GPR158: variants seen among roughly 807,000 people sequenced by gnomAD.
GPR158 encodes G protein-coupled receptor 158, also known as metabotropic glycine receptor.
Under a neutral mutation model 78.2 loss-of-function variants are expected in GPR158, and 30 were observed. The ratio of observed to expected loss-of-function variants is 0.38; its 90% CI spans 0.29 to 0.52. The LOEUF is 0.52. Ranked by LOEUF, GPR158 falls within the 20% of genes least tolerant of loss-of-function variation. The pLI is 0.83. For synonymous variants in GPR158, 581 were observed against 591.1 expected, an observed-to-expected ratio of 0.98 and a Z score of 0.25; for missense variants, 1,463 against 1,523.5, an observed-to-expected ratio of 0.96 and a Z score of 0.66.
Position 25,329,260 on chromosome 10 carries a change from C to T in GPR158, c.1009-66651C>T, listed in dbSNP as rs556310725. 9.2e-5 allele frequency among the ~76,000 whole-genome samples: 14 copies of T among 151,894 alleles called. No homozygotes were observed. The East Asian group carries it at 2.3e-3, about 25-fold the overall frequency. On this transcript the variant is annotated intron_variant, in intron 2 of 10. Transcript: ENST00000376351. ...GACCATCCTGGCTAACACGGTGAAA[C>T]CCTGTCTCTACTAAAAATACAAAAA...
intron 2 of GPR158, among the ~76,000 whole-genome samples, chr10:25,386,565 C>A (rs1834224935): frequency 6.7e-6 from 1 of 149,670 alleles, no homozygotes; most frequent in African/African-American, 2.5e-5. Flanking sequence ...TCTTTCAATT[C>A]AGTGTTGCAA....
intron 2 of GPR158, among the ~76,000 whole-genome samples, chr10:25,235,991 T>C (rs546289376): frequency 2.0e-4 from 31 of 152,162 alleles, no homozygotes; most frequent in South Asian, 4.2e-4. Flanking sequence ...CCACTGCGCC[T>C]GGCCTGCACA....
chr10:25,207,405 C>T, intron 1 of GPR158, among the ~76,000 whole-genome samples: 1 of 152,098 alleles, frequency 6.6e-6, no homozygotes, highest in East Asian at 1.9e-4. Flanking sequence ...ACGTTTTTGG[C>T]ACAAGGGACT....
At chr10:25,443,475 A>G (rs2130591515) in intron 4 of GPR158, among the ~76,000 whole-genome samples, 1 of 151,340 alleles carries the variant, frequency 6.6e-6, no homozygotes, top group South Asian at 2.1e-4. Context: ...GAATATCTTG[A>G]ACCTGGGAGG....
chr10:25,411,099 G>T (rs824603), intron 3 of GPR158, among the ~76,000 whole-genome samples: 62,209 of 146,876 alleles, frequency 0.42, 14,251 homozygotes, highest in Middle Eastern at 0.56. Context: ...TTTCTGTTTT[G>T]TTTTTTTTTT....
chr10:25,227,733 G>A (rs1270396169), intron 2 of GPR158, among the ~76,000 whole-genome samples: 1 of 152,084 alleles, frequency 6.6e-6, no homozygotes, highest in Non-Finnish European at 1.5e-5. Context: ...ATTCTAGAGG[G>A]AACCAGAGAA....
chr10:25,200,868 G>GGTTTT (rs1852915005), intron 1 of GPR158, among the ~76,000 whole-genome samples: 2 of 113,304 alleles, frequency 1.8e-5, no homozygotes. Flanking sequence ...TTTTTGTTTT[G>GGTTTT]TTTTTTTTTT....
At chr10:25,405,538 A>G (rs1834503095) in intron 3 of GPR158, among the ~76,000 whole-genome samples, 1 of 96,798 alleles carries the variant, frequency 1.0e-5, no homozygotes, top group Non-Finnish European at 1.9e-5. Context: ...TGCTAGCATG[A>G]CATTAAGGTT....
chr10:25,279,063 T>G (rs564149233), intron 2 of GPR158, among the ~76,000 whole-genome samples: 2 of 151,794 alleles, frequency 1.3e-5, no homozygotes, highest in Admixed American at 6.6e-5. Context: ...TCCTAAGATA[T>G]AAAAAAAATA....
At chr10:25,426,106 C>A (rs1353529571) in intron 4 of GPR158, among the ~76,000 whole-genome samples, 1 of 152,066 alleles carries the variant, frequency 6.6e-6, no homozygotes, top group Non-Finnish European at 1.5e-5. Flanking sequence ...TTTAGCAAGT[C>A]ATGGAATCTC....
chr10:25,427,751 T>A (rs1277268314), intron 4 of GPR158, among the ~76,000 whole-genome samples: 1 of 152,070 alleles, frequency 6.6e-6, no homozygotes, highest in Non-Finnish European at 1.5e-5. Flanking sequence ...TTCTTACATA[T>A]GAGCTTTGCG....
chr10:25,538,642 T>C (rs1040044294), intron 5 of GPR158, among the ~76,000 whole-genome samples: 1 of 152,214 alleles, frequency 6.6e-6, no homozygotes, highest in African/African-American at 2.4e-5. Flanking sequence ...CCCAAGCAGC[T>C]GGGACTGCAG....
chr10:25,544,594 A>G (rs1481014846), intron 5 of GPR158, among the ~76,000 whole-genome samples: 1 of 152,136 alleles, frequency 6.6e-6, no homozygotes, highest in Non-Finnish European at 1.5e-5. Flanking sequence ...TAATTCATAA[A>G]TTCTTCAGCT....
chr10:25,593,972 CCTA>C (rs1837371409), intron 8 of GPR158, among the ~76,000 whole-genome samples: 2 of 152,012 alleles, frequency 1.3e-5, no homozygotes, highest in African/African-American at 4.8e-5. Context: ...AAGTTTGTAA[CCTA>C]CTCCTCTTGA....
intron 7 of GPR158, among the ~76,000 whole-genome samples, chr10:25,577,250 T>A (rs978757639): frequency 6.6e-6 from 1 of 152,174 alleles, no homozygotes; most frequent in African/African-American, 2.4e-5. Flanking sequence ...TAAATCCACA[T>A]ATCTTCAGTC....
At chr10:25,453,705 T>A (rs1468673458) in intron 4 of GPR158, among the ~76,000 whole-genome samples, 1 of 152,222 alleles carries the variant, frequency 6.6e-6, no homozygotes, top group East Asian at 1.9e-4. Flanking sequence ...CTATTTTGTG[T>A]TCTTGGCATC....
chr10:25,316,891 GT>G (rs1200648307), intron 2 of GPR158, among the ~76,000 whole-genome samples: 31 of 104,918 alleles, frequency 3.0e-4, no homozygotes, highest in African/African-American at 1.9e-3. Context: ...ATGTATTTGT[GT>G]GTGTGTGTGT....
intron 2 of GPR158, among the ~76,000 whole-genome samples, chr10:25,369,506 C>T (rs1240772669): frequency 2.0e-5 from 3 of 147,282 alleles, no homozygotes; most frequent in Admixed American, 6.8e-5. Flanking sequence ...CCTTGCATCC[C>T]AGGGATGAAG....
chr10:25,333,773 G>T (rs1250237313), intron 2 of GPR158, among the ~76,000 whole-genome samples: 3 of 152,042 alleles, frequency 2.0e-5, no homozygotes, highest in African/African-American at 4.8e-5. Flanking sequence ...GGACATAGTG[G>T]TTCTTTTTCC....
Sources: gnomAD v4.1 joint callset for allele counts (sites outside exome capture counted in the v4.1 genomes callset) on GRCh38, gnomAD v4.1.1 for gene constraint, MANE v1.5 for transcripts, NCBI Gene and HGNC (gene_info 2026-07-23, HGNC 2026-07-21) for gene names.